The following POLR3G variants were observed in gnomAD, a reference collection of about 807,000 sequenced individuals.
The protein encoded by POLR3G is RNA polymerase III subunit G, also known as DNA-directed RNA polymerase III subunit RPC7.
Under a neutral mutation model 30.1 loss-of-function variants are expected in POLR3G, and 28 were observed. That is an observed-to-expected ratio of 0.93 (90% CI 0.69 to 1.27). The LOEUF is 1.27. Ranked by LOEUF, POLR3G falls within the 50% of genes most tolerant of loss-of-function variation. The pLI is 0.00. For missense variants in POLR3G, 254 were observed against 264.6 expected, an observed-to-expected ratio of 0.96 and a Z score of 0.28; for synonymous variants, 79 against 82.5, an observed-to-expected ratio of 0.96 and a Z score of 0.23.
chr5:90,488,260 C>A, intron 3 of POLR3G, 131 bp downstream of exon 3: 1 of 715,668 alleles, frequency 1.4e-6, no homozygotes, highest in Non-Finnish European at 2.0e-6. Flanking sequence ...TTTGAAAAAG[C>A]TATTTATGTT....
At chr5:90,481,351 C>T (rs571685643) in intron 1 of POLR3G, among the ~76,000 whole-genome samples, 27 of 151,382 alleles carry the variant, frequency 1.8e-4, no homozygotes, top group African/African-American at 6.1e-4. Context: ...AAATCAAACC[C>T]AAATCTAAAC....
intron 1 of POLR3G, among the ~76,000 whole-genome samples, chr5:90,479,199 C>T (rs1211422362): frequency 3.3e-5 from 5 of 151,886 alleles, no homozygotes; most frequent in Non-Finnish European, 7.4e-5. Flanking sequence ...CAGCCAGGCG[C>T]GGTGGCTCAT....
At chr5:90,493,288 C>G (rs2151907759) in intron 3 of POLR3G, among the ~76,000 whole-genome samples, 1 of 152,130 alleles carries the variant, frequency 6.6e-6, no homozygotes, top group Admixed American at 6.5e-5. Context: ...GTTCTGTCAC[C>G]CAGGCTGGAA....
intron 1 of POLR3G, among the ~76,000 whole-genome samples, chr5:90,475,234 A>G (rs1454138933): frequency 6.6e-6 from 1 of 151,746 alleles, no homozygotes; most frequent in Non-Finnish European, 1.5e-5. Flanking sequence ...CCTAGTCTCT[A>G]CTCCTAGGAC....
In POLR3G at chr5:90,506,621, G is replaced by A. The variant is rs747798005; in HGVS notation, c.532G>A (p.Asp178Asn). Residue 178 changes from aspartate to asparagine, a missense_variant, in exon 7 of 8, where the codon GAT becomes AAT. Coordinates refer to ENST00000651687, the MANE Select transcript of POLR3G (RefSeq NM_006467.3). ...GAAAAGTAAAGAAGGTGATGATGACGATGACGATGATGCCGCAGAACAGGA... is the reference window on the plus strand; with the variant it reads ...GAAAAGTAAAGAAGGTGATGATGACAATGACGATGATGCCGCAGAACAGGA... ...KEKSKEGDDD[D>N]DDDAAEQEEY... The A allele has an allele frequency of 2.6e-5, 42 of 1,613,622 alleles. No individual in the cohort carries two copies. The highest frequency in any genetic ancestry group is 1.2e-4 in the South Asian group (11 of 91,000).
chr5:90,485,843 C>T (rs1751413426), intron 2 of POLR3G, among the ~76,000 whole-genome samples, 159 bp downstream of exon 2: 1 of 152,054 alleles, frequency 6.6e-6, no homozygotes, highest in South Asian at 2.1e-4. Flanking sequence ...TCATGATCTG[C>T]TTTCTTAAAA....
At chr5:90,474,588 G>T, upstream of POLR3G, 1 of 440,730 alleles carries the variant, frequency 2.3e-6, no homozygotes, top group South Asian at 2.4e-5. Flanking sequence ...CACCACGAGA[G>T]AGCTTTAACG....
At position 90,510,332 on chromosome 5, in the gene POLR3G, C is replaced by T. The variant is rs533157906; in HGVS notation, c.586-1721C>T. On this transcript the variant is annotated intron_variant, in intron 7 of 7. Coordinates refer to ENST00000651687, the MANE Select transcript of POLR3G (RefSeq NM_006467.3). ...GGCAGAGCTTTCAGTGAGCCGAGATCGCGCCACTGCACTCCAGCCTGGGTG... is the reference window on the plus strand; with the variant it reads ...GGCAGAGCTTTCAGTGAGCCGAGATTGCGCCACTGCACTCCAGCCTGGGTG... 4.6e-5 allele frequency among the ~76,000 whole-genome samples: 7 copies of T among 151,950 alleles called. No individual in the cohort carries two copies. The South Asian group carries it at 1.5e-3, about 32-fold the overall frequency.
At chr5:90,506,975 A>G (rs965155263) in intron 7 of POLR3G, among the ~76,000 whole-genome samples, 2 of 152,250 alleles carry the variant, frequency 1.3e-5, no homozygotes, top group Non-Finnish European at 2.9e-5. Flanking sequence ...TTAAGATTTA[A>G]CAACATAAAA....
chr5:90,509,553 G>A (rs1752641787), intron 7 of POLR3G, among the ~76,000 whole-genome samples: 1 of 152,150 alleles, frequency 6.6e-6, no homozygotes, highest in Non-Finnish European at 1.5e-5. Context: ...AGATGCTGTG[G>A]GCACACCAAA....
chr5:90,480,423 T>C lies in POLR3G; in HGVS notation c.-43-5102T>C, dbSNP rs143648233. ...GCTGGAATGCCACATAATTATTAAA[T>C]GTGTCAAAAGCTAGGAAGTTTTTCT... On this transcript the variant is annotated intron_variant, in intron 1 of 7. Transcript: ENST00000651687. Among the ~76,000 whole-genome samples the C allele has an allele frequency of 4.1e-3, 619 of 152,324 alleles. 4 individuals carry two copies. Among genetic ancestry groups the C allele is most frequent in the African/African-American group, 0.013 (560 of 41,574 alleles).
At chr5:90,491,531 GT>G (rs548951758) in intron 3 of POLR3G, among the ~76,000 whole-genome samples, 106 of 139,834 alleles carry the variant, frequency 7.6e-4, no homozygotes, top group South Asian at 1.1e-3. Flanking sequence ...AATTTTTGAC[GT>G]TTTTTTTTTT....
chr5:90,514,509 A>ATGTT lies in POLR3G; in HGVS notation c.*2375_*2378dup, dbSNP rs1752877787. ...CTTAACTAGTAACTATTAAGCAGGGATGTTTGTTCCAAATATTCTTGAATA... is the reference window on the plus strand; with the variant it reads ...CTTAACTAGTAACTATTAAGCAGGGATGTTTGTTTGTTCCAAATATTCTTGAATA... On this transcript the variant is annotated 3_prime_UTR_variant, in exon 8 of 8. Coordinates refer to ENST00000651687, the MANE Select transcript of POLR3G (RefSeq NM_006467.3). 6.6e-6 allele frequency: 1 copy of ATGTT among 152,196 alleles called. No individual in the cohort carries two copies. The highest frequency in any genetic ancestry group is 2.4e-5 in the African/African-American group (1 of 41,442). 9.4% of individuals were successfully genotyped at this position (152,196 alleles called of 1,614,324 possible). A position where few individuals can be genotyped will look rare whatever the true frequency, so the allele number is the denominator to read the frequency against.
chr5:90,481,947 T>C (rs899102760), intron 1 of POLR3G, among the ~76,000 whole-genome samples: 4 of 152,168 alleles, frequency 2.6e-5, no homozygotes, highest in Admixed American at 2.0e-4. Context: ...TAAAGTACAA[T>C]AGTCATATAC....
intron 1 of POLR3G, among the ~76,000 whole-genome samples, 169 bp downstream of exon 1, chr5:90,475,189 CT>C (rs1207015032): frequency 6.6e-6 from 1 of 152,164 alleles, no homozygotes; most frequent in African/African-American, 2.4e-5. Flanking sequence ...GTCCTGCTCC[CT>C]TCAGAATTTT....
At position 90,497,678 on chromosome 5, in the gene POLR3G, G is replaced by A; in HGVS notation, c.327G>A (p.Glu109=). Residue 109 remains glutamate (E), a synonymous_variant, in exon 5 of 8, where the codon GAG becomes GAA. Transcript: ENST00000651687. The stretch of plus-strand genomic sequence containing the variant: ...CAGATTGGAGAAGACTTCCAAGAGA[G>A]ATGATGCCAAGAAATAAATGTAAAA... The part of the protein sequence containing the change: ...WIPDWRRLPR[E]MMPRNKCKKA... 1 of 1,603,802 alleles carries A rather than the reference G, an allele frequency of 6.2e-7. No individual in the cohort carries two copies. The highest frequency in any genetic ancestry group is 8.5e-7 in the Non-Finnish European group (1 of 1,175,642).
upstream of POLR3G, chr5:90,474,481 G>T (rs1427532579): frequency 3.3e-6 from 2 of 601,510 alleles, no homozygotes; most frequent in Non-Finnish European, 5.8e-6. Flanking sequence ...GACGCTGCCC[G>T]TAGCGTGCGC....
In POLR3G at chr5:90,506,526, A is replaced by G; in HGVS notation, c.439-2A>G. ...CAAATTAATGAAACTCACTTATACC[A>G]GGAATTGGAAAAAAGAGGTGATGGT... On this transcript the variant is annotated splice_acceptor_variant, in intron 6 of 7. Transcript: ENST00000651687. LOFTEE classifies it high-confidence loss of function. The G allele has an allele frequency of 6.2e-7, 1 of 1,612,022 alleles. No homozygotes were observed. The highest frequency in any genetic ancestry group is 2.2e-5 in the East Asian group (1 of 44,858).
chr5:90,509,254 TTCTTCAGGGC>T (rs1425926367), intron 7 of POLR3G, among the ~76,000 whole-genome samples: 3 of 152,186 alleles, frequency 2.0e-5, no homozygotes, highest in African/African-American at 4.8e-5. Flanking sequence ...AATGTCAGTA[TTCTTCAGGGC>T]TCTTCCCTCG....
Sources: allele counts gnomAD v4.1 joint callset (sites outside exome capture counted in the v4.1 genomes callset), GRCh38; gene constraint gnomAD v4.1.1; transcripts MANE v1.5; gene names NCBI Gene and HGNC (gene_info 2026-07-23, HGNC 2026-07-21).